CEACAM6: variants seen among roughly 807,000 people sequenced by gnomAD.
CEACAM6 encodes the protein CEA cell adhesion molecule 6.
A neutral mutation model predicts 32.4 loss-of-function variants in CEACAM6; 21 were observed. The ratio of observed to expected loss-of-function variants is 0.65; its 90% CI spans 0.46 to 0.93. CEACAM6 has a LOEUF of 0.93. Ranked by LOEUF, CEACAM6 falls within the 40% of genes least tolerant of loss-of-function variation. The pLI is 0.00. For synonymous variants in CEACAM6, 184 were observed against 174.4 expected, an observed-to-expected ratio of 1.06 and a Z score of -0.43; for missense variants, 406 against 432.2, an observed-to-expected ratio of 0.94 and a Z score of 0.54.
intron 3 of CEACAM6, 26 bp downstream of exon 3, chr19:41,761,553 C>T: frequency 6.2e-7 from 1 of 1,610,220 alleles, no homozygotes; most frequent in Non-Finnish European, 8.5e-7. Flanking sequence ...TCCTCTGTGG[C>T]CCAGGCTGCC....
rs1366389987 is a variant in CEACAM6, at chr19:41,769,192, G to A, written c.*41-1610G>A. ...ACTCCTGACTTCAGGTGATCCACCC[G>A]CCTCAGCCTCCCAAAGTGCTCGGAT... On this transcript the variant is annotated intron_variant, in intron 5 of 5. Coordinates refer to ENST00000199764, the MANE Select transcript of CEACAM6 (RefSeq NM_002483.7). 2.0e-5 allele frequency among the ~76,000 whole-genome samples: 3 copies of A among 152,104 alleles called. No homozygotes were observed. In the East Asian group the frequency reaches 5.8e-4, roughly 30 times the overall value.
At position 41,756,862 on chromosome 19, in the gene CEACAM6, C is replaced by G; in HGVS notation, c.327C>G (p.Ile109Met). ...ETIYPNASLLIQNVTQNDTGF... is the reference protein window; with the variant it reads ...ETIYPNASLLMQNVTQNDTGF... ...TATACCCCAATGCATCCCTGCTGAT[C>G]CAGAACGTCACCCAGAATGACACAG... The change falls in exon 2 of 6, where the codon ATC becomes ATG. Residue 109 changes from isoleucine to methionine, a missense_variant. By Grantham distance (10) the Ile-to-Met change is conservative. Coordinates refer to ENST00000199764, the MANE Select transcript of CEACAM6 (RefSeq NM_002483.7). The G allele has an allele frequency of 1.2e-6, 2 of 1,614,166 alleles. No individual in the cohort carries two copies. Among genetic ancestry groups the G allele is most frequent in the Non-Finnish European group, 8.5e-7 (1 of 1,180,020 alleles).
chr19:41,759,306 G>T (rs2072908699), intron 2 of CEACAM6, among the ~76,000 whole-genome samples: 2 of 152,168 alleles, frequency 1.3e-5, no homozygotes, highest in Admixed American at 6.5e-5. Flanking sequence ...ACTCTGCCCA[G>T]TTTAGATGAA....
intron 4 of CEACAM6, among the ~76,000 whole-genome samples, chr19:41,765,538 G>T (rs2072950973): frequency 6.6e-6 from 1 of 152,228 alleles, no homozygotes; most frequent in African/African-American, 2.4e-5. Flanking sequence ...AGGGAAGGTG[G>T]AGCAGCAGTG....
At chr19:41,757,970 C>G (rs2072899498) in intron 2 of CEACAM6, 1 of 152,212 alleles carries the variant, frequency 6.6e-6, no homozygotes. Flanking sequence ...CCCTCCTCTC[C>G]TCAACCGGGG....
intron 5 of CEACAM6, among the ~76,000 whole-genome samples, chr19:41,768,117 G>A (rs2072967096): frequency 6.6e-6 from 1 of 151,024 alleles, no homozygotes; most frequent in African/African-American, 2.4e-5. Flanking sequence ...ATCATTCTTG[G>A]GTGTTTCTCG....
chr19:41,759,615 G>C (rs1332259824), intron 2 of CEACAM6, among the ~76,000 whole-genome samples: 1 of 152,066 alleles, frequency 6.6e-6, no homozygotes, highest in Non-Finnish European at 1.5e-5. Context: ...TTCATTTGAC[G>C]ACAATATGAT....
At chr19:41,757,362 C>T (rs1555821283) in intron 2 of CEACAM6, among the ~76,000 whole-genome samples, 1 of 152,218 alleles carries the variant, frequency 6.6e-6, no homozygotes, top group Non-Finnish European at 1.5e-5. Context: ...GTACAAAGCC[C>T]TGTCCCTGGT....
At chr19:41,760,206 T>C (rs2072914102) in intron 2 of CEACAM6, among the ~76,000 whole-genome samples, 1 of 152,206 alleles carries the variant, frequency 6.6e-6, no homozygotes, top group Admixed American at 6.5e-5. Context: ...ATGATTCTAC[T>C]CTGATTCCAT....
At chr19:41,757,163 G>A (rs1176673547) in intron 2 of CEACAM6, among the ~76,000 whole-genome samples, 11 of 152,046 alleles carry the variant, frequency 7.2e-5, no homozygotes, top group Non-Finnish European at 1.0e-4. Context: ...GCAGACACTC[G>A]CTGCAGAGGA....
chr19:41,767,539 A>C (rs984779853), intron 5 of CEACAM6, among the ~76,000 whole-genome samples: 5 of 152,248 alleles, frequency 3.3e-5, no homozygotes, highest in Admixed American at 6.5e-5. Context: ...AAATATAGCT[A>C]CACATTGGAA....
At chr19:41,760,043 G>A (rs1318939825) in intron 2 of CEACAM6, among the ~76,000 whole-genome samples, 1 of 152,154 alleles carries the variant, frequency 6.6e-6, no homozygotes, top group African/African-American at 2.4e-5. Context: ...AAACACTTTT[G>A]GTCCTAAGCC....
At chr19:41,770,587 G>C (rs1462743793) in intron 5 of CEACAM6, among the ~76,000 whole-genome samples, 1 of 152,012 alleles carries the variant, frequency 6.6e-6, no homozygotes. Flanking sequence ...AAGACTATGT[G>C]GTCACCTGCT....
chr19:41,766,556 C>A (rs1215483077), intron 5 of CEACAM6, among the ~76,000 whole-genome samples: 1 of 152,210 alleles, frequency 6.6e-6, no homozygotes, highest in South Asian at 2.1e-4. Context: ...GCCTCTTCGT[C>A]CTTTTTCAAC....
chr19:41,758,130 T>G (rs956060103), intron 2 of CEACAM6: 4 of 152,224 alleles, frequency 2.6e-5, no homozygotes. Context: ...ACTCTAGAAC[T>G]AAATCACCTG....
intron 5 of CEACAM6, among the ~76,000 whole-genome samples, chr19:41,770,418 C>T (rs1172796992): frequency 1.3e-5 from 2 of 151,266 alleles, no homozygotes; most frequent in African/African-American, 2.5e-5. Context: ...TATTCATGTG[C>T]GTACATGGGC....
intron 1 of CEACAM6, 135 bp from the exon 2 acceptor site, chr19:41,756,453 GACACACACACAC>G (rs4060857): frequency 2.0e-4 from 181 of 920,612 alleles, no homozygotes; most frequent in African/African-American, 5.2e-4. Flanking sequence ...GACTCAGTAG[GACACACACACAC>G]ACACACACAC....
chr19:41,768,488 C>T (rs941228624), intron 5 of CEACAM6, among the ~76,000 whole-genome samples: 1 of 152,212 alleles, frequency 6.6e-6, no homozygotes, highest in African/African-American at 2.4e-5. Context: ...AAAAGTCTCC[C>T]ATGTCTACTT....
In CEACAM6 at chr19:41,771,827, T is replaced by G. The variant is rs1555823006; in HGVS notation, c.*1066T>G. On this transcript the variant is annotated 3_prime_UTR_variant, in exon 6 of 6. Transcript: ENST00000199764. ...GATAATAGCACTAATGCTTTAAGAT[T>G]TGGTCACACTCTCACCTAGGTGAGC... 1 of 152,150 alleles carries G rather than the reference T, an allele frequency of 6.6e-6. No homozygotes were observed. The highest frequency in any genetic ancestry group is 1.9e-4 in the East Asian group (1 of 5,192). The allele number at this position is 152,150 out of a possible 1,614,324, so 9.4% of individuals were successfully genotyped here. A position where few individuals can be genotyped will look rare whatever the true frequency, so the allele number is the denominator to read the frequency against.
Sources: allele counts gnomAD v4.1 joint callset (sites outside exome capture counted in the v4.1 genomes callset), GRCh38; gene constraint gnomAD v4.1.1; transcripts MANE v1.5; gene names NCBI Gene and HGNC (gene_info 2026-07-23, HGNC 2026-07-21).